The following GSDMD variants were observed in gnomAD, a reference collection of about 807,000 sequenced individuals.
GSDMD encodes the protein gasdermin-D.
GSDMD carries 46 observed loss-of-function variants against 46.7 expected under a neutral mutation model. The observed-to-expected ratio is 0.99, with a 90% CI of 0.78 to 1.26. The LOEUF (loss-of-function observed/expected upper bound fraction) is 1.26, where lower values mean the gene tolerates loss of function less well. Among genes scored for constraint, GSDMD ranks in the 50% most tolerant of loss-of-function variants. GSDMD has a pLI of 0.00. For missense variants in GSDMD, 649 were observed against 638.8 expected, an observed-to-expected ratio of 1.02 and a Z score of -0.17; for synonymous variants, 307 against 283.1, an observed-to-expected ratio of 1.08 and a Z score of -0.85.
chr8:143,557,523 A>G (rs1390291516), upstream of GSDMD, among the ~76,000 whole-genome samples: 2 of 133,402 alleles, frequency 1.5e-5, no homozygotes, highest in Non-Finnish European at 3.3e-5. Flanking sequence ...GCTGCCGTGA[A>G]CTTTGGTGCA....
upstream of GSDMD, among the ~76,000 whole-genome samples, chr8:143,554,753 CA>C (rs1277709472): frequency 2.0e-5 from 3 of 149,474 alleles, no homozygotes; most frequent in African/African-American, 4.9e-5. Context: ...CACCTGCATG[CA>C]CACGCGCACA....
rs1468674911 is a variant in GSDMD, at chr8:143,560,226, A to G, written c.410+257A>G. ...CCTTGGGGCATCAGGAAAGTCCCAGAGGCAAAAGAGCGCTGTGGCCGGAAC... is the reference window on the plus strand; with the variant it reads ...CCTTGGGGCATCAGGAAAGTCCCAGGGGCAAAAGAGCGCTGTGGCCGGAAC... On this transcript the variant is annotated intron_variant, in intron 3 of 10. Coordinates refer to ENST00000262580, the MANE Select transcript of GSDMD (RefSeq NM_024736.7). The G allele has an allele frequency of 5.8e-6, 4 of 691,472 alleles. No individual in the cohort carries two copies. In the Admixed American group the frequency reaches 6.0e-5, roughly 10 times the overall value. 42.8% of individuals were successfully genotyped at this position (691,472 alleles called of 1,614,324 possible).
At chr8:143,561,550 C>G in intron 6 of GSDMD, 127 bp downstream of exon 6, 1 of 989,664 alleles carries the variant, frequency 1.0e-6, no homozygotes, top group Non-Finnish European at 1.5e-6. Flanking sequence ...CGGTGGGCAC[C>G]CCCCATACAC....
At chr8:143,557,519 G>A (rs953466480), upstream of GSDMD, among the ~76,000 whole-genome samples, 4 of 152,184 alleles carry the variant, frequency 2.6e-5, no homozygotes, top group African/African-American at 4.8e-5. Context: ...GGATGCTGCC[G>A]TGAACTTTGG....
chr8:143,559,627 C>A (rs1201940100), intron 2 of GSDMD, 75 bp downstream of exon 2: 2 of 1,482,754 alleles, frequency 1.3e-6, no homozygotes, highest in Non-Finnish European at 1.9e-6. Context: ...GCCAACCATC[C>A]ACTGGGCTCT....
upstream of GSDMD, chr8:143,558,223 C>T (rs1345830922): frequency 6.7e-6 from 8 of 1,201,256 alleles, no homozygotes; most frequent in Middle Eastern, 2.7e-4. Flanking sequence ...AGCCAAGGTT[C>T]CTCCGGACGC....
At chr8:143,559,708 G>A (rs1012467232) in intron 2 of GSDMD, 69 bp from the exon 3 acceptor site, 2 of 1,500,598 alleles carry the variant, frequency 1.3e-6, no homozygotes, top group Non-Finnish European at 1.8e-6. Flanking sequence ...CCTGGGGCTG[G>A]GACAGGGCTG....
At chr8:143,558,510 G>C in intron 1 of GSDMD, 59 bp downstream of exon 1, 1 of 1,374,738 alleles carries the variant, frequency 7.3e-7, no homozygotes, top group Middle Eastern at 2.3e-4. Flanking sequence ...GGGGCCGGCC[G>C]CTGGCTCCCG....
At chr8:143,554,987 G>A (rs1263781724), upstream of GSDMD, 1 of 152,278 alleles carries the variant, frequency 6.6e-6, no homozygotes, top group Admixed American at 6.5e-5. Flanking sequence ...TGTCCAGCCT[G>A]GGGTACACAG....
upstream of GSDMD, among the ~76,000 whole-genome samples, chr8:143,554,234 C>A (rs987238189): frequency 6.6e-6 from 1 of 152,254 alleles, no homozygotes; most frequent in African/African-American, 2.4e-5. Flanking sequence ...GCGACATGTG[C>A]ACACACAGGA....
chr8:143,558,428 A>G lies in GSDMD; in HGVS notation c.-28A>G, dbSNP rs762496330. 2 of 1,504,614 alleles carry G rather than the reference A, an allele frequency of 1.3e-6. No homozygotes were observed. Among genetic ancestry groups the G allele is most frequent in the South Asian group, 2.5e-5 (2 of 81,360 alleles). 93.2% of individuals were successfully genotyped at this position (1,504,614 alleles called of 1,614,324 possible). A position where few individuals can be genotyped will look rare whatever the true frequency, so the allele number is the denominator to read the frequency against. On this transcript the variant is annotated 5_prime_UTR_variant, in exon 1 of 11. Coordinates refer to ENST00000262580, the MANE Select transcript of GSDMD (RefSeq NM_024736.7). Reference sequence around the variant, plus strand: ...GGAGAGCAGACGCGCCAGACGCGCCACCCTCGGGGCGCCGACGGTCACGGT... The same window carrying G: ...GGAGAGCAGACGCGCCAGACGCGCCGCCCTCGGGGCGCCGACGGTCACGGT...
upstream of GSDMD, chr8:143,558,224 C>T: frequency 1.6e-6 from 2 of 1,226,274 alleles, no homozygotes; most frequent in Non-Finnish European, 2.2e-6. Context: ...GCCAAGGTTC[C>T]TCCGGACGCG....
At position 143,561,371 on chromosome 8, in the gene GSDMD, C is replaced by A; in HGVS notation, c.684C>A (p.Asp228Glu). The change falls in exon 6 of 11, where the codon GAC (aspartate) becomes GAA (glutamate). Residue 228 changes from aspartate to glutamate, a missense_variant and splice_region_variant. By Grantham distance (45) the Asp-to-Glu change is conservative. Coordinates refer to ENST00000262580, the MANE Select transcript of GSDMD (RefSeq NM_024736.7). ...VAQLVIDSDLDVLLFPDKKQR... is the reference protein window; with the variant it reads ...VAQLVIDSDLEVLLFPDKKQR... Reference sequence around the variant, plus strand: ...TGTCTGCTCCCGTCTGGCTGCCAGACGTCCTTCTCTTCCCGGATAAGAAGC... The same window carrying A: ...TGTCTGCTCCCGTCTGGCTGCCAGAAGTCCTTCTCTTCCCGGATAAGAAGC... 1 of 1,608,222 alleles carries A rather than the reference C, an allele frequency of 6.2e-7. No individual in the cohort carries two copies. Among genetic ancestry groups the A allele is most frequent in the Non-Finnish European group, 8.5e-7 (1 of 1,177,794 alleles).
At position 143,560,753 on chromosome 8, in the gene GSDMD, C is replaced by T. The variant is rs543560817; in HGVS notation, c.561C>T (p.Pro187=). The T allele has an allele frequency of 1.4e-4, 217 of 1,552,366 alleles. No homozygotes were observed. Among genetic ancestry groups the T allele is most frequent in the Non-Finnish European group, 1.8e-4 (203 of 1,148,296 alleles). ...AGGGCTCGGGCCGGTTTTCCCTGCC[C>T]GGAGCCACGTGCTTGCAGGTGTGTA... is the stretch of plus-strand genomic sequence containing the variant. ...KREGSGRFSL[P]GATCLQGEGQ... is the part of the protein sequence containing the mutation. The change falls in exon 4 of 11, where the codon CCC becomes CCT. Residue 187 remains proline, a synonymous_variant. Coordinates refer to ENST00000262580, the MANE Select transcript of GSDMD (RefSeq NM_024736.7).
At chr8:143,558,119 C>A (rs1238862396), upstream of GSDMD, 59 of 532,064 alleles carry the variant, frequency 1.1e-4, no homozygotes, top group Non-Finnish European at 3.3e-6. Flanking sequence ...GTCTTGAACT[C>A]CCGACCTCAG....
rs541934814 is a variant in GSDMD, at chr8:143,562,021, A to G, written c.886A>G (p.Thr296Ala). 3.1e-6 allele frequency: 5 copies of G among 1,603,198 alleles called. No individual in the cohort carries two copies. The South Asian group carries it at 5.5e-5, about 18-fold the overall frequency. The change falls in exon 8 of 11, where the codon ACC becomes GCC. Residue 296 changes from threonine (T) to alanine (A), a missense_variant. Physicochemically the swap from Thr to Ala is moderately conservative, Grantham distance 58 (BLOSUM62 0). Transcript: ENST00000262580. ...CCAGGGCCTACGGGCAGAGGTGGAG[A>G]CCATCTCCAAGGAACTGGAGCTTTT... ...DFQGLRAEVE[T>A]ISKELELLDR...
chr8:143,558,732 T>C (rs1447783529), intron 1 of GSDMD: 5 of 590,354 alleles, frequency 8.5e-6, no homozygotes, highest in Non-Finnish European at 1.2e-5. Context: ...GGGCCCAGCC[T>C]CCACTTTCAG....
rs766657474 is a variant in GSDMD, at chr8:143,562,871, ACTG to A, written c.1425_1427del (p.Leu476del). 1.9e-6 allele frequency: 3 copies of A among 1,612,324 alleles called. No individual in the cohort carries two copies. The highest frequency in any genetic ancestry group is 2.5e-6 in the Non-Finnish European group (3 of 1,179,950). ...TGTGTGCACTCTACGCCTCCCTGGC[ACTG>A]CTATCAGGACTGAGCCAGGAGCCCC... On this transcript the variant is annotated inframe_deletion, in exon 11 of 11. Transcript: ENST00000262580.
upstream of GSDMD, among the ~76,000 whole-genome samples, chr8:143,557,378 G>GCGAAGGATGCTGCCGCTATGA (rs1563902763): frequency 1.2e-5 from 1 of 85,264 alleles, no homozygotes. Flanking sequence ...TGCCGCTATG[G>GCGAAGGATGCTGCCGCTATGA]CGAAGGATGA....
Sources: allele counts gnomAD v4.1 joint callset (sites outside exome capture counted in the v4.1 genomes callset), GRCh38; gene constraint gnomAD v4.1.1; transcripts MANE v1.5; gene names NCBI Gene and HGNC (gene_info 2026-07-23, HGNC 2026-07-21).